AQP7: variants seen among roughly 807,000 people sequenced by gnomAD.
AQP7 encodes aquaporin-7.
A neutral mutation model predicts 26.1 loss-of-function variants in AQP7; 22 were observed. That is an observed-to-expected ratio of 0.84 (90% confidence interval 0.60 to 1.20). The LOEUF is 1.20. Among genes scored for constraint, AQP7 ranks in the 50% most tolerant of loss-of-function variants. The probability of loss-of-function intolerance (pLI) is 0.00; values close to 1 mark genes in which losing one functional copy is unlikely to be tolerated. For synonymous variants in AQP7, 167 were observed against 181.7 expected, an observed-to-expected ratio of 0.92 and a Z score of 0.65; for missense variants, 412 against 457.5, an observed-to-expected ratio of 0.90 and a Z score of 0.91.
Position 33,386,400 on chromosome 9 carries a change from T to C in AQP7, c.406+4A>G, listed in dbSNP as rs371143644. 1.3e-5 allele frequency: 21 copies of C among 1,610,412 alleles called. No homozygotes were observed. The highest frequency in any genetic ancestry group is 2.7e-5 in the African/African-American group (2 of 74,886). ...AGAGGCGGACACCCGGGCAGGATAC[T>C]CACTGTAGAAGAGACTGTAGATGGT... On this transcript the variant is annotated splice_donor_region_variant and intron_variant, in intron 5 of 7. Coordinates refer to ENST00000297988, the MANE Select transcript of AQP7 (RefSeq NM_001170.3).
rs1291352574 is a variant in AQP7, at chr9:33,385,631, C to T, written c.743+18G>A. On this transcript the variant is annotated intron_variant, in intron 7 of 7. Transcript: ENST00000297988. ...CCACAGAAAAACTCAAAGGAATGGG[C>T]CTGGGCAGGGGCAGTACCTGAAGAC... 1 of 1,612,458 alleles carries T rather than the reference C, an allele frequency of 6.2e-7. No homozygotes were observed. Among genetic ancestry groups the T allele is most frequent in the East Asian group, 2.2e-5 (1 of 44,886 alleles).
At chr9:33,395,038 T>G in intron 3 of AQP7, 40 bp downstream of exon 3, 3 of 1,569,872 alleles carry the variant, frequency 1.9e-6, no homozygotes, top group Non-Finnish European at 2.6e-6. Context: ...TGGACGGCCC[T>G]GGCGGAGCCC....
At chr9:33,393,062 T>A (rs1240513509) in intron 3 of AQP7, among the ~76,000 whole-genome samples, 2 of 152,128 alleles carry the variant, frequency 1.3e-5, no homozygotes, top group Non-Finnish European at 2.9e-5. Flanking sequence ...ACCCCATCTC[T>A]ACTAAAAATA....
intron 2 of AQP7, among the ~76,000 whole-genome samples, chr9:33,397,935 C>T (rs1825969902): frequency 6.6e-6 from 1 of 152,138 alleles, no homozygotes. Flanking sequence ...ATCTACTGTG[C>T]CTAGAATGTT....
chr9:33,394,444 A>G (rs1409120992), intron 3 of AQP7, among the ~76,000 whole-genome samples: 3 of 148,390 alleles, frequency 2.0e-5, no homozygotes, highest in Non-Finnish European at 3.0e-5. Flanking sequence ...TGGATTCATT[A>G]TCAGAGCCCG....
At chr9:33,389,186 C>T (rs1381627822) in intron 3 of AQP7, among the ~76,000 whole-genome samples, 5 of 152,264 alleles carry the variant, frequency 3.3e-5, no homozygotes, top group Non-Finnish European at 7.3e-5. Context: ...CGCCACCATG[C>T]CCAACTATTT....
At chr9:33,399,098 C>T (rs1478616373) in intron 2 of AQP7, among the ~76,000 whole-genome samples, 2 of 138,986 alleles carry the variant, frequency 1.4e-5, no homozygotes, top group African/African-American at 4.9e-5. Flanking sequence ...CCTCAGCCTC[C>T]CAAGGTGCAG....
intron 3 of AQP7, among the ~76,000 whole-genome samples, chr9:33,388,420 C>T (rs907822170): frequency 3.3e-5 from 5 of 152,166 alleles, no homozygotes; most frequent in East Asian, 1.9e-4. Flanking sequence ...AACCCCATCG[C>T]GTCTTCCCCA....
At chr9:33,393,524 C>G (rs1825592682) in intron 3 of AQP7, among the ~76,000 whole-genome samples, 1 of 152,238 alleles carries the variant, frequency 6.6e-6, no homozygotes, top group Admixed American at 6.5e-5. Flanking sequence ...CTCTAGCATG[C>G]ACCTGGCTGC....
chr9:33,390,814 A>G (rs1205138496), intron 3 of AQP7, among the ~76,000 whole-genome samples: 2 of 152,188 alleles, frequency 1.3e-5, no homozygotes, highest in African/African-American at 4.8e-5. Context: ...TGTGCTAAAA[A>G]TACTGGATGA....
chr9:33,396,976 C>T (rs1825901034), intron 2 of AQP7, among the ~76,000 whole-genome samples: 1 of 151,622 alleles, frequency 6.6e-6, no homozygotes, highest in African/African-American at 2.4e-5. Context: ...TGGTGTACGC[C>T]TGTGGTCCCA....
rs1824903879 is a variant in AQP7 at position 33,387,069 on chromosome 9, G to A, written c.168C>T (p.Ala56=). 10 of 1,611,902 alleles carry A rather than the reference G, an allele frequency of 6.2e-6. No individual in the cohort carries two copies. Among genetic ancestry groups the A allele is most frequent in the Non-Finnish European group, 8.5e-6 (10 of 1,179,784 alleles). The change falls in exon 4 of 8, where the codon GCC becomes GCT. Residue 56 remains alanine, a synonymous_variant. Transcript: ENST00000297988. ...VMMVFGLGSV[A]HMVLNKKYGS... The stretch of plus-strand genomic sequence containing the variant: ...CATATTTTTTATTTAGAACCATATG[G>A]GCCACGGAACCAAGGCCGAATACCT...
At chr9:33,396,939 A>T (rs936089835) in intron 2 of AQP7, among the ~76,000 whole-genome samples, 9 of 151,846 alleles carry the variant, frequency 5.9e-5, no homozygotes, top group African/African-American at 1.9e-4. Flanking sequence ...CTACAAAAAA[A>T]AAAATACAAA....
chr9:33,385,378 G>A, intron 7 of AQP7, 88 bp from the exon 8 acceptor site: 1 of 1,459,906 alleles, frequency 6.8e-7, no homozygotes, highest in Non-Finnish European at 9.2e-7. Flanking sequence ...GTTGAGCAGA[G>A]GAGTCATCCC....
chr9:33,386,782 C>T (rs1414624218), intron 4 of AQP7, among the ~76,000 whole-genome samples, 187 bp downstream of exon 4: 14 of 152,106 alleles, frequency 9.2e-5, no homozygotes, highest in Non-Finnish European at 8.8e-5. Context: ...AATGGTAGGT[C>T]GGGGGGCCCA....
chr9:33,392,160 A>G (rs1564181948), intron 3 of AQP7, among the ~76,000 whole-genome samples: 2 of 152,162 alleles, frequency 1.3e-5, no homozygotes, highest in African/African-American at 4.8e-5. Flanking sequence ...CTAAAAATAC[A>G]AAAATTGGCT....
intron 3 of AQP7, chr9:33,393,862 C>T (rs928132148): frequency 2.0e-5 from 3 of 152,356 alleles, no homozygotes; most frequent in African/African-American, 4.8e-5. Flanking sequence ...CCACTGCCCC[C>T]CTCTGTCATG....
chr9:33,390,569 G>A (rs1416936508), intron 3 of AQP7, among the ~76,000 whole-genome samples: 1 of 152,152 alleles, frequency 6.6e-6, no homozygotes, highest in Non-Finnish European at 1.5e-5. Flanking sequence ...GCTGAGCAGG[G>A]CCCACTGGGT....
chr9:33,394,403 T>C (rs1387467499), intron 3 of AQP7: 3 of 152,124 alleles, frequency 2.0e-5, no homozygotes, highest in Non-Finnish European at 2.9e-5. Flanking sequence ...ACTCCCCTGC[T>C]TGCCAGCCTT....
Sources: allele counts gnomAD v4.1 joint callset (sites outside exome capture counted in the v4.1 genomes callset), GRCh38; gene constraint gnomAD v4.1.1; transcripts MANE v1.5; gene names NCBI Gene and HGNC (gene_info 2026-07-23, HGNC 2026-07-21).